MRTFA: variants seen among roughly 807,000 people sequenced by gnomAD.
MRTFA encodes the protein myocardin-related transcription factor A.
In MRTFA, 20 loss-of-function variants were observed where a neutral mutation model predicts 83.5. The ratio of observed to expected loss-of-function variants is 0.24; its 90% CI spans 0.17 to 0.35. MRTFA has a LOEUF of 0.35. MRTFA is among the 10% of genes least tolerant of loss of function. The pLI is 1.00. For synonymous variants in MRTFA, 659 were observed against 541.2 expected (o/e 1.22, Z -3.02); for missense variants, 1,200 against 1,224.7 (o/e 0.98, Z 0.30).
At chr22:40,515,330 C>T (rs1178469811) in intron 3 of MRTFA, among the ~76,000 whole-genome samples, 3 of 152,076 alleles carry the variant, frequency 2.0e-5, no homozygotes, top group Non-Finnish European at 4.4e-5. Flanking sequence ...AATAAGACAC[C>T]TGCCTTTATA....
rs545054653 is a variant in MRTFA at position 40,559,348 on chromosome 22, A to G, written c.-21-6981T>C. Among the ~76,000 whole-genome samples, 135 of 152,282 alleles carry G rather than the reference A, an allele frequency of 8.9e-4. 1 individual carries two copies. The highest frequency in any genetic ancestry group is 2.9e-3 in the African/African-American group (120 of 41,570). ...GGCTGCAGTGAGCTGTGATCATGCC[A>G]CTGCACTCCAGCCTGGGCAACGAAG... is the stretch of plus-strand genomic sequence containing the variant. On this transcript the variant is annotated intron_variant, in intron 2 of 14. Transcript: ENST00000355630.
At chr22:40,449,097 C>A (rs1053178382) in intron 4 of MRTFA, among the ~76,000 whole-genome samples, 2 of 151,942 alleles carry the variant, frequency 1.3e-5, no homozygotes, top group African/African-American at 4.8e-5. Context: ...AACCCCGTCT[C>A]TACTAAAAAT....
chr22:40,534,009 T>G (rs1378676563), intron 3 of MRTFA, among the ~76,000 whole-genome samples: 1 of 152,216 alleles, frequency 6.6e-6, no homozygotes, highest in Non-Finnish European at 1.5e-5. Context: ...GATGAGGTTT[T>G]GTTCAAAATC....
intron 2 of MRTFA, among the ~76,000 whole-genome samples, chr22:40,573,687 G>C (rs2055829570): frequency 6.6e-6 from 1 of 151,884 alleles, no homozygotes; most frequent in African/African-American, 2.4e-5. Flanking sequence ...AGAATCATTT[G>C]AGCCCAGGAA....
intron 4 of MRTFA, among the ~76,000 whole-genome samples, chr22:40,454,382 C>T (rs1158522325): frequency 6.6e-6 from 1 of 152,144 alleles, no homozygotes; most frequent in African/African-American, 2.4e-5. Context: ...TCCCAAAGTG[C>T]TGAAATTACA....
rs577688192 is a variant in MRTFA at position 40,417,327 on chromosome 22, C to G, written c.2517+14G>C. The G allele has an allele frequency of 5.0e-6, 8 of 1,608,468 alleles. No individual in the cohort carries two copies. Among genetic ancestry groups the G allele is most frequent in the Non-Finnish European group, 5.9e-6 (7 of 1,178,418 alleles). The stretch of plus-strand genomic sequence containing the variant: ...AGCTGCCAACACTAGCCAGGCCTAG[C>G]CCGCCTTCCTCACCTGCTGTTTGGG... On this transcript the variant is annotated intron_variant, in intron 13 of 14. Coordinates refer to ENST00000355630, the MANE Select transcript of MRTFA (RefSeq NM_020831.6).
chr22:40,570,180 T>C (rs2015889455), intron 2 of MRTFA, among the ~76,000 whole-genome samples: 1 of 152,154 alleles, frequency 6.6e-6, no homozygotes, highest in South Asian at 2.1e-4. Context: ...GAAGGAAGAC[T>C]ATGTTTTCCA....
At chr22:40,532,174 T>C (rs2055093161) in intron 3 of MRTFA, among the ~76,000 whole-genome samples, 1 of 152,180 alleles carries the variant, frequency 6.6e-6, no homozygotes, top group Non-Finnish European at 1.5e-5. Flanking sequence ...GTATGTCCCT[T>C]TCCCTCTCAA....
intron 3 of MRTFA, among the ~76,000 whole-genome samples, chr22:40,517,667 G>C (rs765116866): frequency 5.3e-5 from 8 of 152,142 alleles, no homozygotes; most frequent in Non-Finnish European, 8.8e-5. Context: ...CTGGCACCGA[G>C]GTCCTAAAAT....
chr22:40,458,595 T>C (rs1308313860), intron 4 of MRTFA, among the ~76,000 whole-genome samples: 1 of 152,138 alleles, frequency 6.6e-6, no homozygotes, highest in Admixed American at 6.5e-5. Context: ...TTCTGGAAGA[T>C]GAGGTAGATG....
chr22:40,421,151 G>A (rs750563583), intron 9 of MRTFA, 51 bp from the exon 10 acceptor site: 15 of 1,504,122 alleles, frequency 1.0e-5, no homozygotes, highest in Admixed American at 4.7e-5. Flanking sequence ...CAGGCTTCTC[G>A]GGGTGGGGCT....
intron 3 of MRTFA, among the ~76,000 whole-genome samples, chr22:40,499,795 T>C (rs572109760): frequency 9.2e-5 from 14 of 152,234 alleles, no homozygotes; most frequent in African/African-American, 2.9e-4. Flanking sequence ...AGGGTCAAAC[T>C]GATTTTACTT....
intron 2 of MRTFA, among the ~76,000 whole-genome samples, chr22:40,556,223 A>C (rs2055521781): frequency 6.6e-6 from 1 of 152,172 alleles, no homozygotes; most frequent in South Asian, 2.1e-4. Flanking sequence ...ATTCCTTGCA[A>C]ACTTTTATGA....
intron 3 of MRTFA, among the ~76,000 whole-genome samples, chr22:40,535,287 A>T (rs2055148494): frequency 6.6e-6 from 1 of 151,838 alleles, no homozygotes; most frequent in Admixed American, 6.6e-5. Context: ...AAGGTTGAGA[A>T]GATTGAGTCA....
chr22:40,498,079 G>GC (rs2054386659), intron 3 of MRTFA, among the ~76,000 whole-genome samples: 1 of 151,790 alleles, frequency 6.6e-6, no homozygotes, highest in African/African-American at 2.4e-5. Flanking sequence ...GGTGGAGGGT[G>GC]CAGTAAGCCA....
chr22:40,450,840 A>G (rs760626950), intron 4 of MRTFA, among the ~76,000 whole-genome samples: 1 of 152,196 alleles, frequency 6.6e-6, no homozygotes, highest in Non-Finnish European at 1.5e-5. Context: ...CAATGTGGAC[A>G]AGAACCAGTA....
intron 3 of MRTFA, among the ~76,000 whole-genome samples, chr22:40,474,351 G>C (rs1713416607): frequency 6.6e-6 from 1 of 152,166 alleles, no homozygotes; most frequent in South Asian, 2.1e-4. Flanking sequence ...AATGTTATAT[G>C]ATAATAAACT....
chr22:40,422,516 G>A (rs532578627), intron 9 of MRTFA, among the ~76,000 whole-genome samples: 36 of 152,362 alleles, frequency 2.4e-4, no homozygotes, highest in Admixed American at 9.1e-4. Flanking sequence ...GGCAGCACCC[G>A]GGCAGGCAGT....
intron 3 of MRTFA, among the ~76,000 whole-genome samples, chr22:40,527,756 C>CT (rs2055002632): frequency 7.7e-6 from 1 of 129,074 alleles, no homozygotes; most frequent in South Asian, 2.6e-4. Flanking sequence ...AAGACTCCAT[C>CT]TTAAAAAAAA....
Sources: allele counts gnomAD v4.1 joint callset (sites outside exome capture counted in the v4.1 genomes callset), GRCh38; gene constraint gnomAD v4.1.1; transcripts MANE v1.5; gene names NCBI Gene and HGNC (gene_info 2026-07-23, HGNC 2026-07-21).